CCDC91: variants seen among roughly 807,000 people sequenced by gnomAD.
The protein encoded by CCDC91 is coiled-coil domain containing 91.
In CCDC91, 48 loss-of-function variants were observed where a neutral mutation model predicts 63.2. The observed-to-expected ratio is 0.76, with a 90% confidence interval of 0.60 to 0.97. The LOEUF is 0.97. CCDC91 is among the 50% of genes least tolerant of loss of function. CCDC91 has a pLI of 0.00. For missense variants in CCDC91, 500 were observed against 494.6 expected, an observed-to-expected ratio of 1.01 and a Z score of -0.10; for synonymous variants, 167 against 165.8, an observed-to-expected ratio of 1.01 and a Z score of -0.06.
rs367985315 is a variant in CCDC91, at chr12:28,275,198, A to T, written c.109+15756A>T. Among the ~76,000 whole-genome samples, 18 of 152,290 alleles carry T rather than the reference A, an allele frequency of 1.2e-4. No homozygotes were observed. In the East Asian group the frequency reaches 2.7e-3, roughly 23 times the overall value. ...ATCCAGGAGCTGGTTTTTTGAAAAG[A>T]TCAACAAAATTGATAGACCTCTAGC... On this transcript the variant is annotated intron_variant, in intron 3 of 12. Coordinates refer to ENST00000536442, the MANE Select transcript of CCDC91 (RefSeq NM_018318.5).
chr12:28,403,604 C>G (rs1261340576), intron 8 of CCDC91, among the ~76,000 whole-genome samples: 1 of 152,104 alleles, frequency 6.6e-6, no homozygotes, highest in Non-Finnish European at 1.5e-5. Context: ...AATGCCCCCC[C>G]TCCTAATACC....
chr12:28,504,571 C>G (rs1416961442), intron 12 of CCDC91, among the ~76,000 whole-genome samples: 1 of 151,800 alleles, frequency 6.6e-6, no homozygotes, highest in Non-Finnish European at 1.5e-5. Flanking sequence ...ATATATATTG[C>G]TGTGAACTCT....
At chr12:28,473,321 C>G (rs142101546) in intron 11 of CCDC91, among the ~76,000 whole-genome samples, 93 of 152,284 alleles carry the variant, frequency 6.1e-4, no homozygotes, top group African/African-American at 2.1e-3. Flanking sequence ...ATTAATAGAA[C>G]TGACAATGGC....
rs572079608 is a variant in CCDC91 at position 28,416,797 on chromosome 12, G to A, written c.762+25386G>A. 3.9e-5 allele frequency among the ~76,000 whole-genome samples: 6 copies of A among 152,248 alleles called. No individual in the cohort carries two copies. The South Asian group carries it at 8.3e-4, about 21-fold the overall frequency. On this transcript the variant is annotated intron_variant, in intron 8 of 12. Coordinates refer to ENST00000536442, the MANE Select transcript of CCDC91 (RefSeq NM_018318.5). ...GAGTCTGACTGAAGATTTTGGTCAA[G>A]CAGAGTATCTTGTCAGTACTCAGAC...
chr12:28,367,934 A>G (rs547792701), intron 7 of CCDC91, among the ~76,000 whole-genome samples: 3 of 152,224 alleles, frequency 2.0e-5, no homozygotes. Context: ...GGATTCTGCC[A>G]ATAGACTGCC....
chr12:28,519,864 C>T (rs1312574132), intron 12 of CCDC91, among the ~76,000 whole-genome samples: 2 of 151,888 alleles, frequency 1.3e-5, no homozygotes, highest in African/African-American at 2.4e-5. Context: ...ATGATGGATA[C>T]CAGCTTCATC....
At chr12:28,418,550 T>C (rs189438906) in intron 8 of CCDC91, among the ~76,000 whole-genome samples, 1 of 152,206 alleles carries the variant, frequency 6.6e-6, no homozygotes, top group Admixed American at 6.6e-5. Flanking sequence ...TGTGCCTTAA[T>C]TGGGATATAA....
At chr12:28,230,142 A>G (rs1406795503) in intron 1 of CCDC91, among the ~76,000 whole-genome samples, 1 of 152,214 alleles carries the variant, frequency 6.6e-6, no homozygotes, top group Non-Finnish European at 1.5e-5. Context: ...CATTCCCTTA[A>G]TGTCCATTTA....
intron 6 of CCDC91, among the ~76,000 whole-genome samples, chr12:28,308,020 T>G (rs1332337953): frequency 1.3e-5 from 2 of 152,050 alleles, no homozygotes; most frequent in Non-Finnish European, 2.9e-5. Flanking sequence ...GAACTGTTTA[T>G]TCTAATTTTT....
chr12:28,479,785 A>G (rs536809418), intron 11 of CCDC91, among the ~76,000 whole-genome samples: 6 of 152,048 alleles, frequency 3.9e-5, no homozygotes, highest in South Asian at 2.1e-4. Flanking sequence ...AAATGTGTCT[A>G]TCCTTTTCTT....
intron 12 of CCDC91, among the ~76,000 whole-genome samples, chr12:28,522,508 T>G (rs1418924196): frequency 6.6e-6 from 1 of 152,172 alleles, no homozygotes; most frequent in East Asian, 1.9e-4. Context: ...ATTTTATTGA[T>G]CTTTTCAAAA....
At chr12:28,511,201 C>G (rs1939338611) in intron 12 of CCDC91, among the ~76,000 whole-genome samples, 1 of 151,860 alleles carries the variant, frequency 6.6e-6, no homozygotes, top group Non-Finnish European at 1.5e-5. Flanking sequence ...CAAGACCAAG[C>G]TACCATTATC....
intron 1 of CCDC91, among the ~76,000 whole-genome samples, chr12:28,218,687 C>T (rs1280591392): frequency 2.0e-5 from 3 of 148,556 alleles, no homozygotes; most frequent in African/African-American, 5.0e-5. Context: ...ATAAAAGGAA[C>T]ATTGCAGATG....
intron 12 of CCDC91, among the ~76,000 whole-genome samples, chr12:28,510,651 C>T (rs979574135): frequency 1.3e-5 from 2 of 151,786 alleles, no homozygotes; most frequent in African/African-American, 4.8e-5. Flanking sequence ...AATCTTTAGC[C>T]AAATATCAGT....
At position 28,305,737 on chromosome 12, in the gene CCDC91, C is replaced by T. The variant is rs1219753484; in HGVS notation, c.198C>T (p.Ala66=). 1.2e-6 allele frequency: 2 copies of T among 1,612,852 alleles called. No individual in the cohort carries two copies. The highest frequency in any genetic ancestry group is 2.2e-5 in the South Asian group (2 of 91,044). The change falls in exon 4 of 13, where the codon GCC becomes GCT. Residue 66 remains alanine, a synonymous_variant. Transcript: ENST00000536442. ...SSSIGCLSSD[A]IISSPENTHA... The stretch of plus-strand genomic sequence containing the variant: ...CCATTGGCTGCCTCTCTTCTGATGC[C>T]ATTATTTCATCACCAGAGAATACAC...
chr12:28,229,429 A>G (rs1004545815), intron 1 of CCDC91, among the ~76,000 whole-genome samples: 1 of 152,162 alleles, frequency 6.6e-6, no homozygotes, highest in African/African-American at 2.4e-5. Flanking sequence ...ATTAAAATAG[A>G]GTGATGTGAC....
intron 1 of CCDC91, among the ~76,000 whole-genome samples, chr12:28,233,109 A>G (rs1339800559): frequency 1.3e-5 from 2 of 152,140 alleles, no homozygotes; most frequent in African/African-American, 4.8e-5. Flanking sequence ...ATATATCACA[A>G]AATGTACAGA....
At chr12:28,320,051 G>A (rs764437247) in intron 6 of CCDC91, among the ~76,000 whole-genome samples, 18 of 151,740 alleles carry the variant, frequency 1.2e-4, no homozygotes, top group Non-Finnish European at 2.2e-4. Flanking sequence ...TTTGATCTAC[G>A]CTAATACCAA....
chr12:28,370,281 A>T (rs1944533192), intron 7 of CCDC91, among the ~76,000 whole-genome samples: 1 of 152,190 alleles, frequency 6.6e-6, no homozygotes, highest in African/African-American at 2.4e-5. Flanking sequence ...TGCTGCTTAG[A>T]CATTTCTTCT....
Sources: gnomAD v4.1 joint callset for allele counts (sites outside exome capture counted in the v4.1 genomes callset) on GRCh38, gnomAD v4.1.1 for gene constraint, MANE v1.5 for transcripts, NCBI Gene and HGNC (gene_info 2026-07-23, HGNC 2026-07-21) for gene names.